Variants in KCNH5 observed in about 807,000 individuals in gnomAD.
The protein encoded by KCNH5 is voltage-gated delayed rectifier potassium channel KCNH5.
In KCNH5, 46 loss-of-function variants were observed where a neutral mutation model predicts 96.1. The ratio of observed to expected loss-of-function variants is 0.48; its 90% CI spans 0.38 to 0.61. KCNH5 has a LOEUF of 0.61. KCNH5 is among the 20% of genes least tolerant of loss of function. The pLI is 0.00. For synonymous variants in KCNH5, 439 were observed against 449.8 expected, an observed-to-expected ratio of 0.98 and a Z score of 0.30; for missense variants, 907 against 1,225.8, an observed-to-expected ratio of 0.74 and a Z score of 3.88.
intron 7 of KCNH5, among the ~76,000 whole-genome samples, chr14:62,895,434 G>A (rs923896085): frequency 1.5e-4 from 23 of 151,748 alleles, no homozygotes; most frequent in Non-Finnish European, 1.5e-5. Context: ...GAGTTCAAGC[G>A]ATTCTCCTGC....
chr14:62,777,605 A>G (rs1886123798), intron 10 of KCNH5, among the ~76,000 whole-genome samples: 1 of 152,216 alleles, frequency 6.6e-6, no homozygotes, highest in Non-Finnish European at 1.5e-5. Context: ...TACTGAGACA[A>G]TGCATCAAGA....
intron 8 of KCNH5, among the ~76,000 whole-genome samples, chr14:62,820,771 T>G (rs1887099039): frequency 6.6e-6 from 1 of 152,188 alleles, no homozygotes. Context: ...TCCATGTCTT[T>G]GCTATTGTGA....
chr14:62,982,126 C>T (rs767736184), intron 5 of KCNH5, among the ~76,000 whole-genome samples: 2 of 152,048 alleles, frequency 1.3e-5, no homozygotes, highest in African/African-American at 2.4e-5. Flanking sequence ...GTCAGGAGAT[C>T]GAGACCATCC....
intron 10 of KCNH5, among the ~76,000 whole-genome samples, chr14:62,719,001 T>C (rs952601261): frequency 6.6e-6 from 1 of 152,178 alleles, no homozygotes; most frequent in Admixed American, 6.5e-5. Context: ...TGTCTTGAAA[T>C]GGCAAACTTA....
Position 62,849,686 on chromosome 14 carries a change from T to C in KCNH5, c.1536A>G (p.Thr512=). Residue 512 remains threonine (T), a synonymous_variant, in exon 8 of 11, where the codon ACA becomes ACG. Coordinates refer to ENST00000322893, the MANE Select transcript of KCNH5 (RefSeq NM_139318.5). ...TATCAATGCCTTTTGACATGGACCA[T>C]GTTGAGACAATATAATCCATGACTC... is the stretch of plus-strand genomic sequence containing the variant. ...SERVMDYIVS[T]WSMSKGIDTE... is the part of the protein sequence containing the mutation. The C allele has an allele frequency of 6.2e-7, 1 of 1,613,854 alleles. No homozygotes were observed. Among genetic ancestry groups the C allele is most frequent in the Non-Finnish European group, 8.5e-7 (1 of 1,179,836 alleles).
chr14:62,947,420 A>T (rs1259296709), intron 7 of KCNH5, among the ~76,000 whole-genome samples: 1 of 152,092 alleles, frequency 6.6e-6, no homozygotes, highest in Non-Finnish European at 1.5e-5. Flanking sequence ...TCTGGAGCAA[A>T]CAGCACTTGG....
intron 7 of KCNH5, among the ~76,000 whole-genome samples, chr14:62,854,894 G>T (rs1887899351): frequency 6.7e-6 from 1 of 148,972 alleles, no homozygotes; most frequent in Non-Finnish European, 1.5e-5. Context: ...AATGGAAGGG[G>T]TCAGAAATTC....
intron 7 of KCNH5, among the ~76,000 whole-genome samples, chr14:62,934,795 GT>G (rs1566713659): frequency 6.6e-6 from 1 of 152,092 alleles, no homozygotes; most frequent in Non-Finnish European, 1.5e-5. Flanking sequence ...ATAGCAAATG[GT>G]TTTTTTGTCG....
chr14:62,925,137 G>A (rs1889449410), intron 7 of KCNH5, among the ~76,000 whole-genome samples: 2 of 151,792 alleles, frequency 1.3e-5, no homozygotes, highest in Admixed American at 6.6e-5. Flanking sequence ...ACAAGAAATT[G>A]ATTGTTTGCC....
chr14:62,906,642 G>T (rs1889033142), intron 7 of KCNH5, among the ~76,000 whole-genome samples: 1 of 152,066 alleles, frequency 6.6e-6, no homozygotes. Flanking sequence ...AATTGATATT[G>T]TTAAATTCAT....
rs564278181 is a variant in KCNH5, at chr14:62,984,912, T to C, written c.549+2160A>G. ...TGCTAAGGGAGAAGATTGTCTTCTCTATGGCCCCCTTTCACTTGTTGTCGC... is the reference window on the plus strand; with the variant it reads ...TGCTAAGGGAGAAGATTGTCTTCTCCATGGCCCCCTTTCACTTGTTGTCGC... On this transcript the variant is annotated intron_variant, in intron 5 of 10. Transcript: ENST00000322893. Among the ~76,000 whole-genome samples the C allele has an allele frequency of 9.2e-5, 14 of 152,338 alleles. No individual in the cohort carries two copies. In the South Asian group the frequency reaches 1.2e-3, roughly 14 times the overall value.
intron 10 of KCNH5, among the ~76,000 whole-genome samples, chr14:62,770,686 G>A (rs1381920855): frequency 6.6e-6 from 1 of 152,128 alleles, no homozygotes; most frequent in Admixed American, 6.5e-5. Context: ...AACCTTGCTG[G>A]TATTGATAAT....
chr14:62,797,830 C>T (rs1372882847), intron 9 of KCNH5, among the ~76,000 whole-genome samples: 3 of 151,940 alleles, frequency 2.0e-5, no homozygotes, highest in Non-Finnish European at 4.4e-5. Context: ...ATTCTCATGC[C>T]TCAGCCTCCC....
Position 62,749,013 on chromosome 14 carries a change from A to G in KCNH5, c.2019+30715T>C, listed in dbSNP as rs79384070. ...AGAAATATGAGTGTCTAAAGCTTTCATAGCTTGGGTGATATTATTTGAATA... is the reference window on the plus strand; with the variant it reads ...AGAAATATGAGTGTCTAAAGCTTTCGTAGCTTGGGTGATATTATTTGAATA... On this transcript the variant is annotated intron_variant, in intron 10 of 10. Coordinates refer to ENST00000322893, the MANE Select transcript of KCNH5 (RefSeq NM_139318.5). 4.3e-3 allele frequency among the ~76,000 whole-genome samples: 659 copies of G among 152,348 alleles called. 21 individuals carry two copies. In the East Asian group the frequency reaches 0.071, roughly 16 times the overall value.
chr14:62,925,316 C>T (rs75398446), intron 7 of KCNH5, among the ~76,000 whole-genome samples: 1,814 of 152,064 alleles, frequency 0.012, 43 homozygotes, highest in East Asian at 0.092. Flanking sequence ...AAATAAACTA[C>T]AAAAGGTTTA....
Position 62,950,232 on chromosome 14 carries a change from A to G in KCNH5, c.1270T>C (p.Tyr424His). The G allele has an allele frequency of 6.2e-7, 1 of 1,614,036 alleles. No homozygotes were observed. The highest frequency in any genetic ancestry group is 8.5e-7 in the Non-Finnish European group (1 of 1,179,916). ...GTTGTAAGGCTTGTCATGGTAAAGT[A>G]GAGAGAGGACACGTACAATGAATCC... ...SKDSLYVSSL[Y>H]FTMTSLTTIG... The change falls in exon 7 of 11, where the codon TAC becomes CAC. Residue 424 changes from tyrosine (Y) to histidine (H), a missense_variant. Tyr to His is a moderately conservative substitution (Grantham distance 83, BLOSUM62 2). Around this residue, in one of 6 missense-constraint regions of KCNH5, gnomAD observed 370 missense variants for 561.3 expected, o/e 0.66. Coordinates refer to ENST00000322893, the MANE Select transcript of KCNH5 (RefSeq NM_139318.5).
chr14:62,817,729 C>CTAGGAATATATTA (rs1566670379), intron 8 of KCNH5, among the ~76,000 whole-genome samples: 81 of 128,796 alleles, frequency 6.3e-4, no homozygotes, highest in Middle Eastern at 4.1e-3. Flanking sequence ...GGAATATATT[C>CTAGGAATATATTA]TATATAATAA....
chr14:63,027,836 T>A (rs1476529581), intron 1 of KCNH5, among the ~76,000 whole-genome samples: 1 of 152,084 alleles, frequency 6.6e-6, no homozygotes, highest in African/African-American at 2.4e-5. Context: ...TTTTTCAAAC[T>A]TTTTTTATTA....
At chr14:62,894,263 A>C (rs2140087609) in intron 7 of KCNH5, among the ~76,000 whole-genome samples, 1 of 152,336 alleles carries the variant, frequency 6.6e-6, no homozygotes, top group African/African-American at 2.4e-5. Context: ...TTTGTGCTGG[A>C]TATTTTAAGA....
Sources: allele counts gnomAD v4.1 joint callset (sites outside exome capture counted in the v4.1 genomes callset), GRCh38; gene constraint gnomAD v4.1.1; regional missense constraint gnomAD v4.1.1; transcripts MANE v1.5; gene names NCBI Gene and HGNC (gene_info 2026-07-23, HGNC 2026-07-21).